ENPP2: variants seen among roughly 807,000 people sequenced by gnomAD.
ENPP2 encodes ectonucleotide pyrophosphatase/phosphodiesterase 2.
A neutral mutation model predicts 120.2 loss-of-function variants in ENPP2; 51 were observed. The observed-to-expected ratio is 0.42, with a 90% CI of 0.34 to 0.54. ENPP2 has a LOEUF of 0.54. ENPP2 is among the 20% of genes least tolerant of loss of function. ENPP2 has a pLI of 0.04. For synonymous variants in ENPP2, 365 were observed against 366.4 expected, an observed-to-expected ratio of 1.00 and a Z score of 0.04; for missense variants, 920 against 1,066.5, an observed-to-expected ratio of 0.86 and a Z score of 1.91.
intron 12 of ENPP2, among the ~76,000 whole-genome samples, chr8:119,593,506 G>A (rs1813682374): frequency 6.6e-6 from 1 of 152,182 alleles, no homozygotes; most frequent in Non-Finnish European, 1.5e-5. Context: ...GATTTTTGTA[G>A]AAAGGTCTTT....
chr8:119,564,191 G>A (rs1281471833), intron 23 of ENPP2, among the ~76,000 whole-genome samples: 1 of 151,576 alleles, frequency 6.6e-6, no homozygotes, highest in African/African-American at 2.4e-5. Context: ...GAAAATCTAA[G>A]GGATTCTTAA....
At chr8:119,640,503 G>A (rs1484483188), upstream of ENPP2, among the ~76,000 whole-genome samples, 8 of 152,088 alleles carry the variant, frequency 5.3e-5, no homozygotes, top group Admixed American at 3.9e-4. Context: ...CTTTTGCCTT[G>A]CCAGAGTCTA....
At chr8:119,635,794 C>T (rs1816964349) in intron 2 of ENPP2, among the ~76,000 whole-genome samples, 2 of 152,174 alleles carry the variant, frequency 1.3e-5, no homozygotes, top group South Asian at 2.1e-4. Context: ...ATTTCCTACG[C>T]TAACAATAAA....
Position 119,626,714 on chromosome 8 carries a change from G to C in ENPP2, c.143C>G (p.Ser48Ter). Reference protein sequence around the residue: ...GWEEGPPTVLSDSPWTNISGS... With the variant: ...GWEEGPPTVL ...GGAGATGTTGGTCCAGGGGGAGTCT[G>C]ATAGCACTGCAAAGAACAAGAGGCA... Residue 48 changes from serine to a stop codon, truncating the protein, a stop_gained, in exon 3 of 25, where the codon TCA (serine) becomes TGA (stop). Coordinates refer to ENST00000075322, the MANE Select transcript of ENPP2 (RefSeq NM_001040092.3). LOFTEE classifies it high-confidence loss of function. 6.2e-7 allele frequency: 1 copy of C among 1,613,976 alleles called. No individual in the cohort carries two copies. The highest frequency in any genetic ancestry group is 8.5e-7 in the Non-Finnish European group (1 of 1,179,884).
chr8:119,570,080 C>T (rs957908348), intron 20 of ENPP2, among the ~76,000 whole-genome samples: 1 of 151,908 alleles, frequency 6.6e-6, no homozygotes, highest in African/African-American at 2.4e-5. Flanking sequence ...ACCAGCCTGA[C>T]CAACATGGCA....
At chr8:119,656,891 C>T (rs116766342) in intron 1 of ENPP2, among the ~76,000 whole-genome samples, 34 of 152,172 alleles carry the variant, frequency 2.2e-4, no homozygotes, top group African/African-American at 7.7e-4. Context: ...TATAGAATTG[C>T]ATGAAGTATT....
At chr8:119,665,924 C>A (rs535628334) in intron 1 of ENPP2, among the ~76,000 whole-genome samples, 9 of 152,236 alleles carry the variant, frequency 5.9e-5, no homozygotes, top group African/African-American at 1.9e-4. Context: ...CTTTTTGCAA[C>A]ATCAAAAATG....
chr8:119,578,890 G>C (rs961062446), intron 19 of ENPP2, among the ~76,000 whole-genome samples: 1 of 152,186 alleles, frequency 6.6e-6, no homozygotes, highest in East Asian at 1.9e-4. Context: ...AATAAGTCAA[G>C]TAAATCAAAT....
rs1199406054 is a variant in ENPP2 at position 119,593,650 on chromosome 8, T to C, written c.1081+102A>G. The C allele has an allele frequency of 7.9e-6, 6 of 755,516 alleles. No homozygotes were observed. In the Admixed American group the frequency reaches 1.3e-4, roughly 16 times the overall value. 46.8% of individuals were successfully genotyped at this position (755,516 alleles called of 1,614,324 possible). ...ATCTTAAAGAAAGCGGGGATGAGGTTAAGAATGGAGTCTTGGCTTCTAAGG... is the reference window on the plus strand; with the variant it reads ...ATCTTAAAGAAAGCGGGGATGAGGTCAAGAATGGAGTCTTGGCTTCTAAGG... On this transcript the variant is annotated intron_variant, in intron 12 of 24. Coordinates refer to ENST00000075322, the MANE Select transcript of ENPP2 (RefSeq NM_001040092.3).
At chr8:119,631,789 C>T (rs1816703131) in intron 2 of ENPP2, among the ~76,000 whole-genome samples, 1 of 151,996 alleles carries the variant, frequency 6.6e-6, no homozygotes, top group Admixed American at 6.6e-5. Context: ...TTTTTTTAAT[C>T]ATTTTTTATG....
intron 1 of ENPP2, among the ~76,000 whole-genome samples, chr8:119,671,858 T>C (rs1028171931): frequency 5.9e-5 from 9 of 152,026 alleles, no homozygotes; most frequent in Non-Finnish European, 7.4e-5. Flanking sequence ...CAAACACTTA[T>C]GAAGTGAAGC....
At chr8:119,588,610 G>A (rs1425585202) in intron 13 of ENPP2, among the ~76,000 whole-genome samples, 2 of 150,564 alleles carry the variant, frequency 1.3e-5, no homozygotes, top group Non-Finnish European at 3.0e-5. Flanking sequence ...GGTAAATGCT[G>A]TTCAAATCCT....
intron 8 of ENPP2, among the ~76,000 whole-genome samples, chr8:119,611,528 T>C (rs781160827): frequency 2.0e-5 from 3 of 152,184 alleles, no homozygotes; most frequent in Non-Finnish European, 4.4e-5. Context: ...CTGCCGAGGC[T>C]GAGATGGAGT....
intron 1 of ENPP2, among the ~76,000 whole-genome samples, chr8:119,650,706 C>T (rs1817602774): frequency 6.6e-6 from 1 of 152,056 alleles, no homozygotes; most frequent in African/African-American, 2.4e-5. Flanking sequence ...CTTAACGAGC[C>T]CCTGTGTGTG....
chr8:119,619,170 C>A, intron 5 of ENPP2, 74 bp downstream of exon 5: 1 of 1,093,928 alleles, frequency 9.1e-7, no homozygotes, highest in Non-Finnish European at 1.4e-6. Context: ...TTTCTAAATA[C>A]TTCTCTTTTC....
chr8:119,657,574 C>T (rs115684286), intron 1 of ENPP2, among the ~76,000 whole-genome samples: 2,826 of 152,280 alleles, frequency 0.019, 84 homozygotes, highest in African/African-American at 0.064. Flanking sequence ...ATTAGCGATG[C>T]GGTCAACATG....
intron 8 of ENPP2, among the ~76,000 whole-genome samples, chr8:119,612,139 G>C (rs1004628074): frequency 9.9e-5 from 15 of 152,178 alleles, no homozygotes; most frequent in African/African-American, 3.4e-4. Context: ...GGGAAGGAAG[G>C]CCTCCTCGGG....
At chr8:119,568,053 A>T in intron 22 of ENPP2, 122 bp downstream of exon 22, 1 of 622,168 alleles carries the variant, frequency 1.6e-6, no homozygotes. Context: ...CTCAAAAATT[A>T]TAAAGGTTAA....
At chr8:119,660,551 GC>G (rs1167285183) in intron 1 of ENPP2, among the ~76,000 whole-genome samples, 1 of 152,162 alleles carries the variant, frequency 6.6e-6, no homozygotes, top group Non-Finnish European at 1.5e-5. Flanking sequence ...CAAACAACCA[GC>G]CCCTCTTGGG....
Sources: gnomAD v4.1 joint callset for allele counts (sites outside exome capture counted in the v4.1 genomes callset) on GRCh38, gnomAD v4.1.1 for gene constraint, MANE v1.5 for transcripts, NCBI Gene and HGNC (gene_info 2026-07-23, HGNC 2026-07-21) for gene names.